COMMD10: variants seen among roughly 807,000 people sequenced by gnomAD.
COMMD10 encodes COMM domain-containing protein 10.
In COMMD10, 33 loss-of-function variants were observed where a neutral mutation model predicts 28.9. That is an observed-to-expected ratio of 1.14 (90% confidence interval 0.87 to 1.53). COMMD10 has a LOEUF of 1.53. Among genes scored for constraint, COMMD10 ranks in the 40% most tolerant of loss-of-function variants. The pLI is 0.00. For synonymous variants in COMMD10, 110 were observed against 81.7 expected (o/e 1.35, Z -1.87); for missense variants, 310 against 233.4 (o/e 1.33, Z -2.14).
intron 5 of COMMD10, among the ~76,000 whole-genome samples, chr5:116,255,120 C>T (rs1339273905): frequency 1.3e-5 from 2 of 151,766 alleles, no homozygotes; most frequent in African/African-American, 2.4e-5. Flanking sequence ...AGGATTGCAA[C>T]CCCTGCCTTT....
intron 5 of COMMD10, among the ~76,000 whole-genome samples, chr5:116,139,910 T>A (rs976045963): frequency 4.0e-5 from 6 of 151,838 alleles, no homozygotes; most frequent in Admixed American, 2.6e-4. Context: ...ACGTAAAATC[T>A]ATTTTCCTAG....
intron 4 of COMMD10, among the ~76,000 whole-genome samples, chr5:116,125,866 A>G (rs2112759351): frequency 6.6e-6 from 1 of 152,250 alleles, no homozygotes; most frequent in Non-Finnish European, 1.5e-5. Flanking sequence ...GAAAACTGGC[A>G]CAAGACAGGG....
At chr5:116,149,613 T>A (rs1167023330) in intron 5 of COMMD10, among the ~76,000 whole-genome samples, 1 of 151,410 alleles carries the variant, frequency 6.6e-6, no homozygotes, top group Non-Finnish European at 1.5e-5. Context: ...CCAGTGATGG[T>A]GAGCATTTTT....
chr5:116,111,101 A>T (rs1026436381), intron 4 of COMMD10, among the ~76,000 whole-genome samples: 3 of 151,818 alleles, frequency 2.0e-5, no homozygotes, highest in African/African-American at 7.3e-5. Context: ...GATCTTTTGA[A>T]TTTTTCTCAT....
chr5:116,146,816 C>G (rs1030056951), intron 5 of COMMD10, among the ~76,000 whole-genome samples: 6 of 151,704 alleles, frequency 4.0e-5, no homozygotes, highest in Admixed American at 4.0e-4. Context: ...TTATTGGGCA[C>G]TTTTGGCTGT....
At chr5:116,278,400 A>G (rs554819682) in intron 5 of COMMD10, among the ~76,000 whole-genome samples, 30 of 151,940 alleles carry the variant, frequency 2.0e-4, no homozygotes, top group African/African-American at 6.5e-4. Context: ...TGAATACTAT[A>G]CAAGGTGTGT....
At chr5:116,169,956 C>T (rs888985582) in intron 5 of COMMD10, among the ~76,000 whole-genome samples, 32 of 152,190 alleles carry the variant, frequency 2.1e-4, no homozygotes, top group African/African-American at 7.5e-4. Flanking sequence ...TCTCACCACC[C>T]CTATTCATCA....
chr5:116,143,957 A>G (rs1407741086), intron 5 of COMMD10, among the ~76,000 whole-genome samples: 1 of 151,908 alleles, frequency 6.6e-6, no homozygotes, highest in Non-Finnish European at 1.5e-5. Context: ...CATGGAAACC[A>G]ATAGCAAGGA....
intron 5 of COMMD10, among the ~76,000 whole-genome samples, chr5:116,170,223 A>C (rs1022728741): frequency 2.0e-5 from 3 of 152,112 alleles, no homozygotes; most frequent in Non-Finnish European, 4.4e-5. Context: ...AATCATGAGC[A>C]AACTCCCATT....
chr5:116,235,510 G>C (rs573839618), intron 5 of COMMD10, among the ~76,000 whole-genome samples: 2 of 152,130 alleles, frequency 1.3e-5, no homozygotes, highest in East Asian at 3.9e-4. Context: ...CATTTAATTG[G>C]AGTATATCCT....
chr5:116,092,516 A>G (rs760261793), intron 3 of COMMD10, 29 bp from the exon 4 acceptor site: 2 of 1,509,782 alleles, frequency 1.3e-6, no homozygotes, highest in Non-Finnish European at 1.8e-6. Context: ...GATGAGGGAC[A>G]TATGTAATTT....
intron 5 of COMMD10, among the ~76,000 whole-genome samples, chr5:116,241,476 A>C (rs1220172364): frequency 1.3e-5 from 2 of 152,144 alleles, no homozygotes; most frequent in Non-Finnish European, 2.9e-5. Context: ...CTTTACTAAA[A>C]AGTGCCACAG....
chr5:116,174,131 A>C (rs1162423394), intron 5 of COMMD10, among the ~76,000 whole-genome samples: 2 of 146,486 alleles, frequency 1.4e-5, no homozygotes, highest in Non-Finnish European at 1.5e-5. Context: ...TAACGGTACT[A>C]TTTTAGGGAA....
intron 4 of COMMD10, among the ~76,000 whole-genome samples, chr5:116,105,387 G>C (rs900372893): frequency 6.6e-6 from 1 of 152,120 alleles, no homozygotes; most frequent in Admixed American, 6.5e-5. Context: ...TTTTTGCATT[G>C]ATGTTCATCA....
intron 5 of COMMD10, among the ~76,000 whole-genome samples, chr5:116,194,460 CCT>C (rs1185293876): frequency 6.6e-6 from 1 of 152,046 alleles, no homozygotes; most frequent in African/African-American, 2.4e-5. Context: ...ATCCAAATGA[CCT>C]CACTAAGAAA....
At chr5:116,085,135 A>G (rs1407335048) in intron 1 of COMMD10, 42 bp downstream of exon 1, 1 of 1,521,354 alleles carries the variant, frequency 6.6e-7, no homozygotes, top group South Asian at 1.1e-5. Flanking sequence ...GCGCCCAGGA[A>G]GGCCCAGATC....
chr5:116,194,150 C>T (rs1210015356), intron 5 of COMMD10, among the ~76,000 whole-genome samples: 2 of 152,272 alleles, frequency 1.3e-5, no homozygotes, highest in Admixed American at 1.3e-4. Flanking sequence ...ACCAAAACCT[C>T]TGGGATACAG....
intron 4 of COMMD10, among the ~76,000 whole-genome samples, chr5:116,119,799 A>AG (rs1269520642): frequency 1.3e-5 from 2 of 152,076 alleles, no homozygotes; most frequent in Non-Finnish European, 2.9e-5. Flanking sequence ...ACATTTTCAT[A>AG]GAGACAGTGT....
At chr5:116,241,583 CTTATTTATTTATTTAT>C (rs61328599) in intron 5 of COMMD10, among the ~76,000 whole-genome samples, 80 of 140,504 alleles carry the variant, frequency 5.7e-4, no homozygotes, top group African/African-American at 1.8e-3. Flanking sequence ...ACTCTGCTTT[CTTATTTATTTATTTAT>C]TTATTTATTT....
Sources: allele counts gnomAD v4.1 joint callset (sites outside exome capture counted in the v4.1 genomes callset), GRCh38; gene constraint gnomAD v4.1.1; transcripts MANE v1.5; gene names NCBI Gene and HGNC (gene_info 2026-07-23, HGNC 2026-07-21).